MTARC1: variants seen among roughly 807,000 people sequenced by gnomAD.
MTARC1 encodes the protein mitochondrial amidoxime-reducing component 1.
MTARC1 carries 24 observed loss-of-function variants against 33.6 expected under a neutral mutation model. That is an observed-to-expected ratio of 0.72 (90% CI 0.52 to 1.01). The LOEUF (loss-of-function observed/expected upper bound fraction) is 1.01, where lower values mean the gene tolerates loss of function less well. Ranked by LOEUF, MTARC1 falls within the 50% of genes least tolerant of loss-of-function variation. The pLI, the probability that MTARC1 is intolerant of heterozygous loss-of-function variation, is 0.00. For missense variants in MTARC1, 417 were observed against 445.7 expected (o/e 0.94, Z 0.58); for synonymous variants, 187 against 189.5 (o/e 0.99, Z 0.11).
intron 1 of MTARC1, among the ~76,000 whole-genome samples, chr1:220,787,916 G>C (rs1429824927): frequency 6.6e-6 from 1 of 152,186 alleles, no homozygotes; most frequent in African/African-American, 2.4e-5. Flanking sequence ...GCTGAGGCAG[G>C]AGAATAGCTT....
intron 4 of MTARC1, among the ~76,000 whole-genome samples, chr1:220,804,578 G>C (rs113869372): frequency 2.0e-5 from 3 of 152,128 alleles, no homozygotes; most frequent in African/African-American, 7.2e-5. Context: ...TGATGTGTCC[G>C]TATCTGGCTA....
chr1:220,812,038 A>G (rs1322634958), intron 6 of MTARC1, among the ~76,000 whole-genome samples: 1 of 152,160 alleles, frequency 6.6e-6, no homozygotes, highest in East Asian at 1.9e-4. Context: ...AGGAGGGGGA[A>G]TTACTCGTAG....
chr1:220,799,829 C>T lies in MTARC1; in HGVS notation c.753+1815C>T, dbSNP rs72472308. Among the ~76,000 whole-genome samples the T allele has an allele frequency of 8.6e-3, 1,310 of 152,244 alleles. 15 individuals carry two copies. The highest frequency in any genetic ancestry group is 0.027 in the African/African-American group (1,109 of 41,542). ...AGCCTGGACAGGTCACCAAACTCGC[C>T]GAGGCATCTGCTTCTTGCAGTTGTA... On this transcript the variant is annotated intron_variant, in intron 4 of 6. Coordinates refer to ENST00000366910, the MANE Select transcript of MTARC1 (RefSeq NM_022746.4).
rs1252149786 is a variant in MTARC1 at position 220,816,164 on chromosome 1, A to T, written c.*2746A>T. On this transcript the variant is annotated 3_prime_UTR_variant, in exon 7 of 7. Transcript: ENST00000366910. ...TGTGAGGGTCTGCCAGTTTGGTAAG[A>T]GTGCATGGGGAGGTTGGGTAAATTA... is the stretch of plus-strand genomic sequence containing the variant. 1.3e-5 allele frequency: 2 copies of T among 152,214 alleles called. No homozygotes were observed. The highest frequency in any genetic ancestry group is 2.4e-5 in the African/African-American group (1 of 41,428). 9.4% of individuals were successfully genotyped at this position (152,214 alleles called of 1,614,324 possible).
At chr1:220,810,360 G>A (rs1390788450) in intron 6 of MTARC1, among the ~76,000 whole-genome samples, 1 of 152,054 alleles carries the variant, frequency 6.6e-6, no homozygotes. Flanking sequence ...GCCTGGAGGC[G>A]GGCTTCCGCA....
rs536660154 is a variant in MTARC1, at chr1:220,792,722, C to T, written c.449+1058C>T. Among the ~76,000 whole-genome samples, 40 of 150,600 alleles carry T rather than the reference C, an allele frequency of 2.7e-4. 1 individual carries two copies. In the South Asian group the frequency reaches 6.7e-3, roughly 25 times the overall value. On this transcript the variant is annotated intron_variant, in intron 2 of 6. Transcript: ENST00000366910. ...ATATTGCAGCATATTTTCTTTCGGTCTCTATGCCTACTACTTAAAAACTAA... is the reference window on the plus strand; with the variant it reads ...ATATTGCAGCATATTTTCTTTCGGTTTCTATGCCTACTACTTAAAAACTAA...
intron 4 of MTARC1, 47 bp from the exon 5 acceptor site, chr1:220,805,005 G>C (rs768276869): frequency 6.2e-7 from 1 of 1,602,806 alleles, no homozygotes; most frequent in Admixed American, 1.7e-5. Context: ...CACGTGTCAG[G>C]GGCAGGGCCC....
chr1:220,789,180 G>T (rs1024242431), intron 1 of MTARC1, among the ~76,000 whole-genome samples: 6 of 150,638 alleles, frequency 4.0e-5, no homozygotes, highest in Non-Finnish European at 7.4e-5. Context: ...CAACATCAGA[G>T]AGAAAGTAAC....
chr1:220,792,650 AAG>A (rs1167235915), intron 2 of MTARC1, among the ~76,000 whole-genome samples: 4 of 140,280 alleles, frequency 2.9e-5, no homozygotes, highest in East Asian at 2.5e-4. Context: ...GGGAAATACC[AAG>A]AAAAAAAAAA....
chr1:220,811,063 G>C (rs1673118307), intron 6 of MTARC1, among the ~76,000 whole-genome samples: 1 of 152,236 alleles, frequency 6.6e-6, no homozygotes, highest in African/African-American at 2.4e-5. Context: ...GATAATGAGA[G>C]TCTGGACTCT....
intron 6 of MTARC1, among the ~76,000 whole-genome samples, chr1:220,807,958 C>T (rs1002939491): frequency 2.0e-5 from 3 of 152,052 alleles, no homozygotes; most frequent in African/African-American, 2.4e-5. Flanking sequence ...TACCCCTGCC[C>T]GCACTCAGAC....
chr1:220,789,270 A>T (rs537024360), intron 1 of MTARC1, among the ~76,000 whole-genome samples: 4 of 152,168 alleles, frequency 2.6e-5, no homozygotes, highest in Non-Finnish European at 5.9e-5. Flanking sequence ...GAGAGGGAAT[A>T]AGCTGGGCAA....
At chr1:220,810,266 A>G (rs1673088242) in intron 6 of MTARC1, among the ~76,000 whole-genome samples, 1 of 152,180 alleles carries the variant, frequency 6.6e-6, no homozygotes, top group African/African-American at 2.4e-5. Context: ...TGTTGAACTT[A>G]GTGTGCGCAC....
intron 4 of MTARC1, among the ~76,000 whole-genome samples, chr1:220,800,899 C>G (rs72472313): frequency 0.017 from 2,611 of 152,182 alleles, 77 homozygotes; most frequent in African/African-American, 0.059. Context: ...TGGGCCTTCC[C>G]CCCCACTCCC....
intron 4 of MTARC1, among the ~76,000 whole-genome samples, chr1:220,801,789 G>A (rs1455351457): frequency 6.6e-6 from 1 of 152,132 alleles, no homozygotes; most frequent in African/African-American, 2.4e-5. Flanking sequence ...AGCTGGGAGA[G>A]CAGGCTAGCA....
intron 2 of MTARC1, 70 bp from the exon 3 acceptor site, chr1:220,796,573 T>C (rs1672623190): frequency 6.9e-7 from 1 of 1,455,080 alleles, no homozygotes; most frequent in Non-Finnish European, 9.1e-7. Flanking sequence ...TTTTCTGATA[T>C]AGCTGGCACA....
chr1:220,808,919 G>A (rs1296793313), intron 6 of MTARC1: 1 of 471,032 alleles, frequency 2.1e-6, no homozygotes, highest in South Asian at 1.5e-5. Context: ...TGCCGTTGTT[G>A]CTTCCATGAC....
chr1:220,797,759 A>G, intron 3 of MTARC1, 115 bp from the exon 4 acceptor site: 1 of 964,730 alleles, frequency 1.0e-6, no homozygotes, highest in Non-Finnish European at 1.5e-6. Context: ...AACTACTTTG[A>G]AAGATTGTGT....
At chr1:220,806,502 A>G (rs1364937066) in intron 6 of MTARC1, among the ~76,000 whole-genome samples, 1 of 152,224 alleles carries the variant, frequency 6.6e-6, no homozygotes, top group Non-Finnish European at 1.5e-5. Flanking sequence ...TTTGTGGAGC[A>G]GGACTCATTC....
Sources: allele counts gnomAD v4.1 joint callset (sites outside exome capture counted in the v4.1 genomes callset), GRCh38; gene constraint gnomAD v4.1.1; transcripts MANE v1.5; gene names NCBI Gene and HGNC (gene_info 2026-07-23, HGNC 2026-07-21).